Variants in BCAT1 observed in about 807,000 individuals in gnomAD.
The protein encoded by BCAT1 is branched-chain-amino-acid aminotransferase, cytosolic.
In BCAT1, 48 loss-of-function variants were observed where a neutral mutation model predicts 52.4. The observed-to-expected ratio is 0.92, with a 90% CI of 0.73 to 1.16. BCAT1 has a LOEUF of 1.16. Among genes scored for constraint, BCAT1 ranks in the 50% most tolerant of loss-of-function variants. BCAT1 has a pLI of 0.00. For synonymous variants in BCAT1, 167 were observed against 161.3 expected (o/e 1.04, Z -0.27); for missense variants, 451 against 457.1 (o/e 0.99, Z 0.12).
At chr12:24,903,015 C>T (rs554755175) in intron 1 of BCAT1, 144 of 1,425,696 alleles carry the variant, frequency 1.0e-4, no homozygotes, top group Admixed American at 2.9e-4. Context: ...CGCGGGGCTG[C>T]AGAGAGCGGC....
chr12:24,823,213 G>A (rs942383201), intron 10 of BCAT1, among the ~76,000 whole-genome samples: 6 of 129,044 alleles, frequency 4.6e-5, no homozygotes, highest in Non-Finnish European at 8.3e-5. Context: ...CACCATGCCC[G>A]ATTAATTTGT....
At chr12:24,936,255 C>T (rs148897224) in intron 1 of BCAT1, among the ~76,000 whole-genome samples, 2,965 of 152,236 alleles carry the variant, frequency 0.019, 57 homozygotes, top group Non-Finnish European at 0.026. Context: ...TTTTTTCTGA[C>T]GAAGTCTCAC....
intron 1 of BCAT1, among the ~76,000 whole-genome samples, chr12:24,928,005 C>G (rs1696767137): frequency 6.6e-6 from 1 of 152,142 alleles, no homozygotes; most frequent in Non-Finnish European, 1.5e-5. Flanking sequence ...AAACTTTGAC[C>G]TCACATTGCA....
chr12:24,917,178 T>G (rs1456651859), intron 1 of BCAT1, among the ~76,000 whole-genome samples: 2 of 151,076 alleles, frequency 1.3e-5, no homozygotes, highest in Non-Finnish European at 2.9e-5. Flanking sequence ...GCATCAGTTT[T>G]TCATTAGAGC....
chr12:24,843,715 A>T (rs1174588047), intron 6 of BCAT1, among the ~76,000 whole-genome samples: 1 of 152,090 alleles, frequency 6.6e-6, no homozygotes, highest in Non-Finnish European at 1.5e-5. Flanking sequence ...GAGCTATGTC[A>T]TTCTGCTTGG....
intron 1 of BCAT1, among the ~76,000 whole-genome samples, chr12:24,947,696 T>C (rs982510372): frequency 6.6e-6 from 1 of 152,232 alleles, no homozygotes; most frequent in African/African-American, 2.4e-5. Flanking sequence ...CAGGGGTTTT[T>C]GGACCTACAA....
At chr12:24,896,105 C>T (rs77464868) in intron 2 of BCAT1, among the ~76,000 whole-genome samples, 8 of 152,238 alleles carry the variant, frequency 5.3e-5, no homozygotes, top group Admixed American at 2.0e-4. Context: ...CTGCCTGCCT[C>T]GACCTCCCAA....
At chr12:24,895,395 A>T (rs1454399623) in intron 2 of BCAT1, among the ~76,000 whole-genome samples, 1 of 152,044 alleles carries the variant, frequency 6.6e-6, no homozygotes, top group Non-Finnish European at 1.5e-5. Context: ...GCGTGGTGGC[A>T]TGCACCTGTA....
At chr12:24,925,200 T>C (rs1056760380) in intron 1 of BCAT1, among the ~76,000 whole-genome samples, 1 of 152,112 alleles carries the variant, frequency 6.6e-6, no homozygotes, top group African/African-American at 2.4e-5. Context: ...TTGAAGGCCT[T>C]AACAGCAAAA....
chr12:24,899,378 T>C (rs1337601132), intron 2 of BCAT1, among the ~76,000 whole-genome samples: 1 of 151,798 alleles, frequency 6.6e-6, no homozygotes, highest in African/African-American at 2.4e-5. Context: ...AGACAAAAAA[T>C]AACAGATGCT....
At chr12:24,933,109 CTTTTTTTTTTTTTTTTTTTT>C (rs57512325) in intron 1 of BCAT1, among the ~76,000 whole-genome samples, 2 of 68,528 alleles carry the variant, frequency 2.9e-5, no homozygotes, top group African/African-American at 6.3e-5. Context: ...CACGCCTGGC[CTTTTTTTTTTTTTTTTTTTT>C]TTTTTTTTTT....
chr12:24,841,146 G>T (rs1033355306), intron 7 of BCAT1, among the ~76,000 whole-genome samples: 1 of 152,114 alleles, frequency 6.6e-6, no homozygotes, highest in Admixed American at 6.5e-5. Flanking sequence ...ATCTATAGTG[G>T]ATATATGAAA....
At chr12:24,917,464 G>A (rs1943435651) in intron 1 of BCAT1, among the ~76,000 whole-genome samples, 3 of 152,220 alleles carry the variant, frequency 2.0e-5, no homozygotes, top group Admixed American at 2.0e-4. Flanking sequence ...TTACAGGCGT[G>A]AGCCACTGCG....
In BCAT1 at chr12:24,908,446, A is replaced by C. The variant is rs549870977; in HGVS notation, c.7-6561T>G. Among the ~76,000 whole-genome samples the C allele has an allele frequency of 6.7e-4, 102 of 152,366 alleles. No individual in the cohort carries two copies. The Middle Eastern group carries it at 0.017, about 25-fold the overall frequency. ...TTCATTTTAATTTATATTTAAATGT[A>C]AATAGCTGGGCCGGGCATGGTGGCT... On this transcript the variant is annotated intron_variant, in intron 1 of 10. Coordinates refer to ENST00000261192, the MANE Select transcript of BCAT1 (RefSeq NM_005504.7).
intron 1 of BCAT1, among the ~76,000 whole-genome samples, chr12:24,933,779 G>A (rs902770561): frequency 3.9e-5 from 6 of 152,136 alleles, no homozygotes; most frequent in Admixed American, 6.5e-5. Flanking sequence ...TCTAATGAGA[G>A]AGAGGGGACT....
intron 1 of BCAT1, among the ~76,000 whole-genome samples, chr12:24,923,292 G>A (rs1010223615): frequency 1.3e-5 from 2 of 152,200 alleles, no homozygotes; most frequent in African/African-American, 4.8e-5. Context: ...AAGACTAGCA[G>A]CCTCAGGCCT....
rs4963801 is a variant in BCAT1, at chr12:24,817,576, T to C, written c.*432A>G. The C allele has an allele frequency of 0.12, 18,779 of 157,366 alleles. 1,279 individuals are homozygous for C. The highest frequency in any genetic ancestry group is 0.14 in the Non-Finnish European group (9,911 of 71,294). 9.7% of individuals were successfully genotyped at this position (157,366 alleles called of 1,614,324 possible). On this transcript the variant is annotated 3_prime_UTR_variant, in exon 11 of 11. Coordinates refer to ENST00000261192, the MANE Select transcript of BCAT1 (RefSeq NM_005504.7). ...AAAAAAAGAAAACACTTTCTGTGGA[T>C]AAAGATAGGCTGCAGGAAATGTAAC...
intron 10 of BCAT1, 112 bp from the exon 11 acceptor site, chr12:24,818,161 A>G: frequency 1.9e-6 from 2 of 1,034,788 alleles, no homozygotes. Flanking sequence ...TTCTGCTTTG[A>G]ACAACATTTT....
intron 9 of BCAT1, 83 bp downstream of exon 9, chr12:24,832,640 G>T: frequency 7.0e-7 from 1 of 1,422,828 alleles, no homozygotes; most frequent in Non-Finnish European, 9.4e-7. Context: ...TCTGGGTCCA[G>T]ATACAATTTT....
Sources: gnomAD v4.1 joint callset for allele counts (sites outside exome capture counted in the v4.1 genomes callset) on GRCh38, gnomAD v4.1.1 for gene constraint, MANE v1.5 for transcripts, NCBI Gene and HGNC (gene_info 2026-07-23, HGNC 2026-07-21) for gene names.